The following SH3D19 variants were observed in gnomAD, a reference collection of about 807,000 sequenced individuals.
SH3D19 encodes SH3 domain-containing protein 19.
SH3D19 carries 58 observed loss-of-function variants against 112.1 expected under a neutral mutation model. The observed-to-expected ratio is 0.52, with a 90% confidence interval of 0.42 to 0.64. The LOEUF (loss-of-function observed/expected upper bound fraction) is 0.64. Among genes scored for constraint, SH3D19 ranks in the 30% least tolerant of loss-of-function variants. SH3D19 has a pLI of 0.00. For synonymous variants in SH3D19, 391 were observed against 448.5 expected, an observed-to-expected ratio of 0.87 and a Z score of 1.62; for missense variants, 1,090 against 1,263.4, an observed-to-expected ratio of 0.86 and a Z score of 2.08.
At chr4:151,317,750 C>T (rs1308109790) in intron 1 of SH3D19, among the ~76,000 whole-genome samples, 1 of 151,940 alleles carries the variant, frequency 6.6e-6, no homozygotes, top group Non-Finnish European at 1.5e-5. Context: ...GAGGCAGGCA[C>T]ATCACCTGAG....
chr4:151,151,560 A>G (rs1465290695), intron 9 of SH3D19, among the ~76,000 whole-genome samples: 2 of 152,232 alleles, frequency 1.3e-5, no homozygotes, highest in Admixed American at 6.5e-5. Context: ...TTAATTGCCA[A>G]TAACTGTGAT....
chr4:151,255,065 C>G (rs1158668479), intron 1 of SH3D19, among the ~76,000 whole-genome samples: 3 of 148,558 alleles, frequency 2.0e-5, no homozygotes, highest in African/African-American at 5.0e-5. Context: ...GGGCGGCTGG[C>G]CGGGCGGGGG....
At chr4:151,136,080 C>G (rs1273649407) in intron 14 of SH3D19, among the ~76,000 whole-genome samples, 1 of 152,158 alleles carries the variant, frequency 6.6e-6, no homozygotes, top group Non-Finnish European at 1.5e-5. Flanking sequence ...AATATTTTCC[C>G]CCTTCAACAT....
intron 1 of SH3D19, among the ~76,000 whole-genome samples, chr4:151,319,495 T>C (rs528132931): frequency 1.2e-4 from 19 of 152,296 alleles, no homozygotes; most frequent in African/African-American, 4.3e-4. Flanking sequence ...AAGCTGGTGG[T>C]CCAGAGAACT....
At chr4:151,137,897 C>G (rs779138164) in intron 13 of SH3D19, 35 bp from the exon 14 acceptor site, 11 of 1,549,824 alleles carry the variant, frequency 7.1e-6, no homozygotes, top group Non-Finnish European at 9.5e-6. Flanking sequence ...TATGATGAAT[C>G]ATCCTGGTTG....
chr4:151,198,428 TTATATAAAATATATATA>T (rs1195429244), intron 2 of SH3D19, among the ~76,000 whole-genome samples: 1 of 141,648 alleles, frequency 7.1e-6, no homozygotes, highest in African/African-American at 2.6e-5. Flanking sequence ...AAAATATATA[TTATATAAAATATATATA>T]AAAATATATA....
chr4:151,309,057 T>C (rs1375096859), intron 1 of SH3D19, among the ~76,000 whole-genome samples: 1 of 152,110 alleles, frequency 6.6e-6, no homozygotes, highest in African/African-American at 2.4e-5. Flanking sequence ...TTAGTAGAGA[T>C]GGGGTTTCGC....
intron 1 of SH3D19, among the ~76,000 whole-genome samples, chr4:151,314,843 T>C (rs1729835450): frequency 6.6e-6 from 1 of 152,186 alleles, no homozygotes; most frequent in African/African-American, 2.4e-5. Flanking sequence ...AGTAACCTCA[T>C]GGCCCAGGGT....
intron 1 of SH3D19, among the ~76,000 whole-genome samples, chr4:151,319,995 G>C (rs1011762420): frequency 6.6e-6 from 1 of 152,156 alleles, no homozygotes; most frequent in African/African-American, 2.4e-5. Flanking sequence ...TGGATAAGTT[G>C]CTTAAATGTT....
chr4:151,153,910 T>A (rs1374565859), intron 9 of SH3D19, among the ~76,000 whole-genome samples: 1 of 152,014 alleles, frequency 6.6e-6, no homozygotes, highest in Non-Finnish European at 1.5e-5. Context: ...TTTTCTAAAA[T>A]GTGGAAGTTG....
intron 9 of SH3D19, among the ~76,000 whole-genome samples, chr4:151,155,907 A>G (rs1157019307): frequency 1.3e-5 from 2 of 152,142 alleles, no homozygotes; most frequent in South Asian, 2.1e-4. Context: ...AAGTGATCTC[A>G]TATCTAGAAA....
intron 1 of SH3D19, among the ~76,000 whole-genome samples, chr4:151,275,119 C>T (rs1367858014): frequency 1.3e-5 from 2 of 149,958 alleles, no homozygotes; most frequent in Admixed American, 6.6e-5. Context: ...CGGAATCTTG[C>T]TCTGTCGCCC....
At chr4:151,274,837 G>A (rs986583448) in intron 1 of SH3D19, among the ~76,000 whole-genome samples, 4 of 152,190 alleles carry the variant, frequency 2.6e-5, no homozygotes, top group Admixed American at 2.0e-4. Flanking sequence ...CCAAGATCAA[G>A]GTATCAGCAT....
At chr4:151,165,816 CA>C (rs1395723971) in intron 7 of SH3D19, 120 bp from the exon 8 acceptor site, 1 of 772,878 alleles carries the variant, frequency 1.3e-6, no homozygotes, top group Non-Finnish European at 2.1e-6. Flanking sequence ...CATGGATAAA[CA>C]AAATCTCAGT....
intron 9 of SH3D19, among the ~76,000 whole-genome samples, chr4:151,158,213 T>C (rs2149794377): frequency 6.6e-6 from 1 of 152,326 alleles, no homozygotes; most frequent in African/African-American, 2.4e-5. Flanking sequence ...GTACAATTAT[T>C]ATTTAAATTT....
intron 1 of SH3D19, chr4:151,227,714 T>C: frequency 1.0e-6 from 1 of 982,392 alleles, no homozygotes; most frequent in Non-Finnish European, 1.2e-6. Flanking sequence ...AGCCAGAAAC[T>C]GAATACAGAT....
chr4:151,205,929 T>G (rs1180778367), intron 2 of SH3D19, among the ~76,000 whole-genome samples: 1 of 152,228 alleles, frequency 6.6e-6, no homozygotes, highest in African/African-American at 2.4e-5. Flanking sequence ...AGTCTGACTC[T>G]AGGCAGGGCC....
intron 1 of SH3D19, among the ~76,000 whole-genome samples, chr4:151,250,367 T>C (rs555969069): frequency 1.3e-4 from 20 of 152,290 alleles, no homozygotes; most frequent in African/African-American, 4.6e-4. Flanking sequence ...TTAAGTTGCA[T>C]GTAGAATGAT....
intron 1 of SH3D19, among the ~76,000 whole-genome samples, chr4:151,241,546 CT>C (rs1770559567): frequency 6.9e-6 from 1 of 144,504 alleles, no homozygotes; most frequent in Admixed American, 6.7e-5. Flanking sequence ...CTAAAAACCA[CT>C]TTATTTATTT....
Sources: gnomAD v4.1 joint callset for allele counts (sites outside exome capture counted in the v4.1 genomes callset) on GRCh38, gnomAD v4.1.1 for gene constraint, MANE v1.5 for transcripts, NCBI Gene and HGNC (gene_info 2026-07-23, HGNC 2026-07-21) for gene names.